The following HIVEP3 variants were observed in gnomAD, a reference collection of about 807,000 sequenced individuals.
HIVEP3 encodes transcription factor HIVEP3.
HIVEP3 carries 49 observed loss-of-function variants against 152.8 expected under a neutral mutation model. That is an observed-to-expected ratio of 0.32 (90% CI 0.26 to 0.41). The LOEUF (loss-of-function observed/expected upper bound fraction) is 0.41. Ranked by LOEUF, HIVEP3 falls within the 10% of genes least tolerant of loss-of-function variation. The probability of loss-of-function intolerance (pLI) is 1.00; values close to 1 mark genes in which losing one functional copy is unlikely to be tolerated. For synonymous variants in HIVEP3, 1,269 were observed against 1,289.0 expected (o/e 0.98, Z 0.33); for missense variants, 2,790 against 3,103.3 (o/e 0.90, Z 2.40).
chr1:41,690,032 T>C (rs1646172993), intron 2 of HIVEP3, among the ~76,000 whole-genome samples: 1 of 152,232 alleles, frequency 6.6e-6, no homozygotes, highest in African/African-American at 2.4e-5. Flanking sequence ...GAGTCTCAGA[T>C]CTTAGATATT....
chr1:41,760,829 C>T (rs561517660), intron 1 of HIVEP3, among the ~76,000 whole-genome samples: 2 of 152,236 alleles, frequency 1.3e-5, no homozygotes, highest in Admixed American at 6.5e-5. Flanking sequence ...GGCCCAGCCA[C>T]CTGGTCTCCC....
intron 1 of HIVEP3, among the ~76,000 whole-genome samples, chr1:41,962,010 A>G (rs963291361): frequency 2.6e-5 from 4 of 152,276 alleles, no homozygotes; most frequent in African/African-American, 9.6e-5. Flanking sequence ...AATTAGAGGC[A>G]CCATAAGCCA....
At chr1:41,727,644 A>G (rs573341823) in intron 1 of HIVEP3, among the ~76,000 whole-genome samples, 1 of 152,334 alleles carries the variant, frequency 6.6e-6, no homozygotes, top group East Asian at 1.9e-4. Context: ...CTCTCTTCTC[A>G]GAGGCCTCGG....
At chr1:41,652,420 G>T (rs1371919909) in intron 2 of HIVEP3, among the ~76,000 whole-genome samples, 1 of 152,198 alleles carries the variant, frequency 6.6e-6, no homozygotes, top group African/African-American at 2.4e-5. Flanking sequence ...CCCTAACCCT[G>T]ATATGCCTGG....
At chr1:42,028,498 G>C (rs1362039899) in intron 1 of HIVEP3, among the ~76,000 whole-genome samples, 1 of 152,072 alleles carries the variant, frequency 6.6e-6, no homozygotes, top group Non-Finnish European at 1.5e-5. Flanking sequence ...CTTCCAGCTT[G>C]AGTCTATAAA....
At chr1:41,889,684 G>C (rs1644416332) in intron 1 of HIVEP3, among the ~76,000 whole-genome samples, 1 of 152,192 alleles carries the variant, frequency 6.6e-6, no homozygotes. Context: ...TCGATGGAGA[G>C]GGTAGGGAGC....
At chr1:42,006,340 A>C (rs962550773) in intron 1 of HIVEP3, among the ~76,000 whole-genome samples, 2 of 152,166 alleles carry the variant, frequency 1.3e-5, no homozygotes, top group African/African-American at 4.8e-5. Flanking sequence ...ACTGCAAAGC[A>C]CCAGAGCAGC....
intron 3 of HIVEP3, among the ~76,000 whole-genome samples, chr1:41,627,946 C>T (rs1378072341): frequency 1.3e-5 from 2 of 150,576 alleles, no homozygotes; most frequent in Non-Finnish European, 3.0e-5. Context: ...ATCCCCAGCT[C>T]TCTGGGTGAT....
intron 1 of HIVEP3, among the ~76,000 whole-genome samples, chr1:41,703,499 C>T (rs1646391947): frequency 6.6e-6 from 1 of 152,122 alleles, no homozygotes; most frequent in South Asian, 2.1e-4. Context: ...CCTCTCTGTG[C>T]TTCAATTTCT....
At chr1:41,729,838 C>T (rs755870038) in intron 1 of HIVEP3, among the ~76,000 whole-genome samples, 8 of 152,182 alleles carry the variant, frequency 5.3e-5, no homozygotes, top group Non-Finnish European at 1.0e-4. Flanking sequence ...GGAAGAGGTG[C>T]GTTCTTGCTC....
At chr1:41,861,884 T>C (rs1643891267) in intron 1 of HIVEP3, among the ~76,000 whole-genome samples, 1 of 152,100 alleles carries the variant, frequency 6.6e-6, no homozygotes, top group Non-Finnish European at 1.5e-5. Context: ...TTAGAAAGCT[T>C]TTACAGTGTA....
chr1:41,910,853 A>G (rs979303624), intron 1 of HIVEP3, among the ~76,000 whole-genome samples: 1 of 152,046 alleles, frequency 6.6e-6, no homozygotes, highest in Middle Eastern at 3.2e-3. Context: ...CCTTATCCTA[A>G]TAAGGAATAT....
intron 1 of HIVEP3, among the ~76,000 whole-genome samples, chr1:41,987,444 G>C (rs1007938737): frequency 6.6e-6 from 1 of 151,880 alleles, no homozygotes; most frequent in African/African-American, 2.4e-5. Context: ...AATCACAAAA[G>C]ACTCCAAATG....
intron 3 of HIVEP3, among the ~76,000 whole-genome samples, chr1:41,616,683 C>T (rs1644973433): frequency 1.4e-5 from 2 of 139,026 alleles, no homozygotes; most frequent in East Asian, 4.4e-4. Flanking sequence ...AAATTCCTGG[C>T]CTCAAATGAT....
intron 1 of HIVEP3, among the ~76,000 whole-genome samples, chr1:41,956,568 G>A (rs577744105): frequency 2.6e-5 from 4 of 152,208 alleles, no homozygotes; most frequent in South Asian, 2.1e-4. Context: ...CATGGTCTAA[G>A]TATTAGGATT....
At chr1:41,966,535 G>A (rs889625555) in intron 1 of HIVEP3, among the ~76,000 whole-genome samples, 14 of 134,152 alleles carry the variant, frequency 1.0e-4, no homozygotes, top group Non-Finnish European at 6.1e-5. Context: ...CTGCGGTGGC[G>A]CCATCTCGGC....
intron 1 of HIVEP3, among the ~76,000 whole-genome samples, chr1:41,962,011 C>A (rs145811602): frequency 6.6e-6 from 1 of 152,274 alleles, no homozygotes; most frequent in East Asian, 1.9e-4. Context: ...ATTAGAGGCA[C>A]CATAAGCCAA....
intron 1 of HIVEP3, among the ~76,000 whole-genome samples, chr1:41,979,839 T>C (rs144623308): frequency 6.6e-6 from 1 of 152,350 alleles, no homozygotes; most frequent in East Asian, 1.9e-4. Flanking sequence ...GGAGAAAAAG[T>C]ATCTACTATA....
At chr1:41,738,346 C>T (rs963229482) in intron 1 of HIVEP3, among the ~76,000 whole-genome samples, 2 of 152,202 alleles carry the variant, frequency 1.3e-5, no homozygotes, top group Non-Finnish European at 2.9e-5. Context: ...CAGGTGGCGG[C>T]CTCAGCACGG....
Sources: allele counts gnomAD v4.1 joint callset (sites outside exome capture counted in the v4.1 genomes callset), GRCh38; gene constraint gnomAD v4.1.1; transcripts MANE v1.5; gene names NCBI Gene and HGNC (gene_info 2026-07-23, HGNC 2026-07-21).